The following CDH13 variants were observed in gnomAD, a reference collection of about 807,000 sequenced individuals.
CDH13 encodes cadherin 13, also known as cadherin-13.
Under a neutral mutation model 63.8 loss-of-function variants are expected in CDH13, and 24 were observed. The ratio of observed to expected loss-of-function variants is 0.38; its 90% CI spans 0.27 to 0.53. The LOEUF is 0.53. CDH13 is among the 20% of genes least tolerant of loss of function. The pLI, the probability that CDH13 is intolerant of heterozygous loss-of-function variation, is 0.85. For synonymous variants in CDH13, 503 were observed against 355.3 expected, an observed-to-expected ratio of 1.42 and a Z score of -4.67; for missense variants, 1,049 against 903.1, an observed-to-expected ratio of 1.16 and a Z score of -2.07.
intron 7 of CDH13, among the ~76,000 whole-genome samples, chr16:83,539,109 T>TATCC (rs1237108666): frequency 6.6e-6 from 1 of 152,166 alleles, no homozygotes; most frequent in Non-Finnish European, 1.5e-5. Flanking sequence ...GAGAATCTAG[T>TATCC]ATCCTTAGAA....
rs139480599 is a variant in CDH13, at chr16:82,958,581, C to A, written c.158-73429C>A. ...GGAAGACAATGAGTAAAACGTTAGG[C>A]ATGGTCAATTTGAGTGGTCAAGGGA... On this transcript the variant is annotated intron_variant, in intron 2 of 13. Coordinates refer to ENST00000567109, the MANE Select transcript of CDH13 (RefSeq NM_001257.5). 8.0e-3 allele frequency among the ~76,000 whole-genome samples: 1,216 copies of A among 152,282 alleles called. 14 individuals carry two copies. Among genetic ancestry groups the A allele is most frequent in the African/African-American group, 0.028 (1,183 of 41,556 alleles).
chr16:83,102,050 G>T (rs149917300), intron 3 of CDH13, among the ~76,000 whole-genome samples: 28 of 152,298 alleles, frequency 1.8e-4, no homozygotes, highest in African/African-American at 6.0e-4. Context: ...ATGAGAGGGA[G>T]GTAATGTGTC....
At chr16:82,914,249 G>GTAA (rs977001401) in intron 2 of CDH13, among the ~76,000 whole-genome samples, 14 of 152,090 alleles carry the variant, frequency 9.2e-5, no homozygotes, top group South Asian at 2.1e-4. Flanking sequence ...CCATTTGTTA[G>GTAA]TAATAATAAT....
At chr16:83,157,522 ATTT>A (rs2037255387) in intron 4 of CDH13, among the ~76,000 whole-genome samples, 1 of 152,170 alleles carries the variant, frequency 6.6e-6, no homozygotes, top group African/African-American at 2.4e-5. Context: ...GTGTCACATC[ATTT>A]AAGGGAACTA....
chr16:83,087,282 G>C (rs935368790), intron 3 of CDH13, among the ~76,000 whole-genome samples: 1 of 152,114 alleles, frequency 6.6e-6, no homozygotes, highest in Non-Finnish European at 1.5e-5. Flanking sequence ...GTTGGAAAAA[G>C]TCTGACTCAT....
At chr16:83,628,549 G>A (rs759377567) in intron 8 of CDH13, among the ~76,000 whole-genome samples, 6 of 152,138 alleles carry the variant, frequency 3.9e-5, no homozygotes, top group Non-Finnish European at 7.3e-5. Context: ...ACATCTTTGG[G>A]CAAAAGCTGA....
At chr16:83,490,571 A>G (rs867923463) in intron 7 of CDH13, among the ~76,000 whole-genome samples, 4 of 152,202 alleles carry the variant, frequency 2.6e-5, no homozygotes, top group Admixed American at 1.3e-4. Context: ...GAAAGAGTCT[A>G]TGGCCTATCT....
chr16:83,672,258 T>A (rs1188373846), intron 9 of CDH13, among the ~76,000 whole-genome samples: 1 of 152,100 alleles, frequency 6.6e-6, no homozygotes, highest in Admixed American at 6.5e-5. Flanking sequence ...ACCACAGACA[T>A]CCATTTCTCA....
intron 11 of CDH13, among the ~76,000 whole-genome samples, chr16:83,748,473 G>T (rs1386376861): frequency 6.6e-6 from 1 of 152,140 alleles, no homozygotes; most frequent in Admixed American, 6.5e-5. Context: ...CTGGTGAGAG[G>T]TCAGAGCAAT....
intron 1 of CDH13, among the ~76,000 whole-genome samples, chr16:82,785,513 T>C (rs951335848): frequency 1.3e-5 from 2 of 152,152 alleles, no homozygotes; most frequent in African/African-American, 4.8e-5. Flanking sequence ...CTAATGCCGG[T>C]GGAGAGAGGT....
chr16:82,910,941 G>T (rs1254960808), intron 2 of CDH13, among the ~76,000 whole-genome samples: 1 of 152,054 alleles, frequency 6.6e-6, no homozygotes, highest in African/African-American at 2.4e-5. Context: ...ACATGACAGG[G>T]GTTTCTTTGA....
chr16:82,911,915 C>A (rs2041843518), intron 2 of CDH13, among the ~76,000 whole-genome samples: 1 of 152,084 alleles, frequency 6.6e-6, no homozygotes, highest in Non-Finnish European at 1.5e-5. Context: ...TGCTCTGGAC[C>A]TCCCACACCT....
At chr16:83,289,234 C>T (rs867501958) in intron 5 of CDH13, among the ~76,000 whole-genome samples, 1 of 152,178 alleles carries the variant, frequency 6.6e-6, no homozygotes, top group Non-Finnish European at 1.5e-5. Context: ...CATAACCCAA[C>T]CTGGGACCCT....
At chr16:82,821,749 G>T (rs2038010505) in intron 1 of CDH13, among the ~76,000 whole-genome samples, 1 of 152,190 alleles carries the variant, frequency 6.6e-6, no homozygotes, top group Admixed American at 6.5e-5. Flanking sequence ...TGGTCATTGA[G>T]GGCTCCCCTA....
At position 83,783,339 on chromosome 16, in the gene CDH13, A is replaced by G. The variant is rs1309361480; in HGVS notation, c.2001A>G (p.Pro667=). 6.2e-7 allele frequency: 1 copy of G among 1,613,934 alleles called. No homozygotes were observed. The highest frequency in any genetic ancestry group is 1.1e-5 in the South Asian group (1 of 91,068). Residue 667 remains proline, a synonymous_variant, in exon 13 of 14, where the codon CCA becomes CCG. Coordinates refer to ENST00000567109, the MANE Select transcript of CDH13 (RefSeq NM_001257.5). The stretch of plus-strand genomic sequence containing the variant: ...TCATGGTGACAGATTCAGGGAAACC[A>G]CCCATGACGAATATCACAGATCTCA... ...LPIMVTDSGK[P]PMTNITDLRV...
chr16:83,723,926 G>A (rs1253910082), intron 10 of CDH13, among the ~76,000 whole-genome samples: 1 of 152,222 alleles, frequency 6.6e-6, no homozygotes, highest in Non-Finnish European at 1.5e-5. Context: ...ATTGATGGAT[G>A]CATGGATAGA....
rs16958925 is a variant in CDH13, at chr16:82,951,002, T to C, written c.158-81008T>C. 8.9e-3 allele frequency among the ~76,000 whole-genome samples: 1,352 copies of C among 152,274 alleles called. 20 individuals carry two copies. Among genetic ancestry groups the C allele is most frequent in the African/African-American group, 0.025 (1,042 of 41,558 alleles). On this transcript the variant is annotated intron_variant, in intron 2 of 13. Transcript: ENST00000567109. ...AGCTTAGATGTTGCGCATCACCATA[T>C]TTCTGTGTCCTGAATTTCACATCTT...
At chr16:83,222,843 C>A (rs77190960) in intron 5 of CDH13, among the ~76,000 whole-genome samples, 2 of 152,186 alleles carry the variant, frequency 1.3e-5, no homozygotes, top group Non-Finnish European at 2.9e-5. Context: ...GAAATACCCA[C>A]ATATGAAACT....
chr16:83,463,559 G>C (rs2073233353), intron 6 of CDH13, among the ~76,000 whole-genome samples: 2 of 152,164 alleles, frequency 1.3e-5, no homozygotes, highest in Non-Finnish European at 2.9e-5. Flanking sequence ...CCAGCGCTTT[G>C]GCAGGCCACA....
Sources: allele counts gnomAD v4.1 joint callset (sites outside exome capture counted in the v4.1 genomes callset), GRCh38; gene constraint gnomAD v4.1.1; transcripts MANE v1.5; gene names NCBI Gene and HGNC (gene_info 2026-07-23, HGNC 2026-07-21).